ARFIP1: variants seen among roughly 807,000 people sequenced by gnomAD.
ARFIP1 encodes arfaptin-1.
ARFIP1 carries 24 observed loss-of-function variants against 42.5 expected under a neutral mutation model. The observed-to-expected ratio is 0.57, with a 90% CI of 0.41 to 0.80. The LOEUF (loss-of-function observed/expected upper bound fraction) is 0.80, where lower values mean the gene tolerates loss of function less well. ARFIP1 is among the 30% of genes least tolerant of loss of function. ARFIP1 has a pLI of 0.00. For missense variants in ARFIP1, 354 were observed against 434.0 expected (o/e 0.82, Z 1.64); for synonymous variants, 141 against 153.7 (o/e 0.92, Z 0.61).
At chr4:152,824,576 C>T (rs935924939) in intron 1 of ARFIP1, among the ~76,000 whole-genome samples, 1 of 152,150 alleles carries the variant, frequency 6.6e-6, no homozygotes, top group Non-Finnish European at 1.5e-5. Flanking sequence ...ACTCAACAGC[C>T]AGCATCATGC....
At chr4:152,860,491 T>TCCAAAAAGCATACTAAAATGCA (rs1561148821) in intron 2 of ARFIP1, among the ~76,000 whole-genome samples, 1 of 152,106 alleles carries the variant, frequency 6.6e-6, no homozygotes, top group Non-Finnish European at 1.5e-5. Flanking sequence ...TATCTCTCAG[T>TCCAAAAAGCATACTAAAATGCA]CCAAAAAGCA....
intron 2 of ARFIP1, among the ~76,000 whole-genome samples, chr4:152,843,085 C>G (rs948181429): frequency 6.6e-6 from 1 of 152,126 alleles, no homozygotes; most frequent in Non-Finnish European, 1.5e-5. Context: ...GGCTGTCGTT[C>G]AGATTTTTTT....
intron 1 of ARFIP1, among the ~76,000 whole-genome samples, chr4:152,794,890 G>T (rs574597431): frequency 6.6e-6 from 1 of 152,068 alleles, no homozygotes; most frequent in East Asian, 1.9e-4. Context: ...GCTGTTATGG[G>T]CTCCTTCAGG....
chr4:152,799,980 T>C lies in ARFIP1; in HGVS notation c.-10+19754T>C, dbSNP rs542299195. On this transcript the variant is annotated intron_variant, in intron 1 of 8. Transcript: ENST00000353617. ...TGCCAAGCAATTGATTGTTCATACTTGTCTGGAAATTAACATTGAAATCCA... is the reference window on the plus strand; with the variant it reads ...TGCCAAGCAATTGATTGTTCATACTCGTCTGGAAATTAACATTGAAATCCA... Among the ~76,000 whole-genome samples the C allele has an allele frequency of 1.1e-4, 17 of 152,310 alleles. No homozygotes were observed. In the East Asian group the frequency reaches 3.3e-3, roughly 29 times the overall value.
At chr4:152,815,251 C>T (rs556563534) in intron 1 of ARFIP1, among the ~76,000 whole-genome samples, 29 of 152,248 alleles carry the variant, frequency 1.9e-4, no homozygotes, top group African/African-American at 7.0e-4. Flanking sequence ...CATTTGCATA[C>T]TGTCAGTGGC....
intron 1 of ARFIP1, among the ~76,000 whole-genome samples, chr4:152,815,608 C>T (rs1014679735): frequency 1.3e-5 from 2 of 152,166 alleles, no homozygotes; most frequent in South Asian, 2.1e-4. Flanking sequence ...ATGGCAATTC[C>T]ATCTTTCCAG....
At chr4:152,847,430 G>T (rs1732648589) in intron 2 of ARFIP1, among the ~76,000 whole-genome samples, 1 of 151,978 alleles carries the variant, frequency 6.6e-6, no homozygotes, top group Non-Finnish European at 1.5e-5. Context: ...ACTGCACCCG[G>T]TGTCTTCTTT....
At chr4:152,890,317 A>AGG (rs1736737560) in intron 8 of ARFIP1, among the ~76,000 whole-genome samples, 1 of 152,102 alleles carries the variant, frequency 6.6e-6, no homozygotes, top group Admixed American at 6.6e-5. Context: ...GAGGGAGGGA[A>AGG]GGAGACACTT....
intron 8 of ARFIP1, among the ~76,000 whole-genome samples, chr4:152,909,786 T>A (rs1465420871): frequency 6.6e-6 from 1 of 152,216 alleles, no homozygotes; most frequent in Non-Finnish European, 1.5e-5. Context: ...ATGATATTTT[T>A]AATTAATCCT....
In ARFIP1 at chr4:152,889,837, T is replaced by C. The variant is rs1324355072; in HGVS notation, c.966+1530T>C. 3.8e-5 allele frequency among the ~76,000 whole-genome samples: 4 copies of C among 106,244 alleles called. No homozygotes were observed. The South Asian group carries it at 1.3e-3, about 33-fold the overall frequency. 69.7% of individuals were successfully genotyped at this position (106,244 alleles called of 152,430 possible). A position where few individuals can be genotyped will look rare whatever the true frequency, so the allele number is the denominator to read the frequency against. On this transcript the variant is annotated intron_variant, in intron 8 of 8. Coordinates refer to ENST00000353617, the MANE Select transcript of ARFIP1 (RefSeq NM_001025595.3). ...TATATATACTATATATACTATATAC[T>C]ATATATATACTATATATACTATATA...
intron 8 of ARFIP1, among the ~76,000 whole-genome samples, chr4:152,900,428 C>T (rs1737731075): frequency 6.6e-6 from 1 of 152,076 alleles, no homozygotes; most frequent in African/African-American, 2.4e-5. Flanking sequence ...TTTTAACCTT[C>T]TGCTTGTCAG....
intron 4 of ARFIP1, among the ~76,000 whole-genome samples, chr4:152,872,196 G>T (rs879077516): frequency 1.3e-5 from 2 of 152,074 alleles, no homozygotes; most frequent in South Asian, 4.1e-4. Flanking sequence ...TGCAGCAAGA[G>T]TTTTTTTGTT....
rs1290889226 is a variant in ARFIP1, at chr4:152,885,145, A to G, written c.791+2265A>G. ...GTTAACACTAAAACCTTGCCTACTG[A>G]TGGATAATAGTCAAAAAGAATCCAA... On this transcript the variant is annotated intron_variant, in intron 7 of 8. Transcript: ENST00000353617. 1.3e-5 allele frequency among the ~76,000 whole-genome samples: 2 copies of G among 152,010 alleles called. 1 individual carries two copies. Among genetic ancestry groups the G allele is most frequent in the Admixed American group, 1.3e-4 (2 of 15,226 alleles).
chr4:152,801,211 C>G (rs6535874), intron 1 of ARFIP1, among the ~76,000 whole-genome samples: 146,577 of 152,268 alleles, frequency 0.96, 70,603 homozygotes, highest in Non-Finnish European at 0.98. Context: ...CTAGAGTGAT[C>G]AAGAGTGCTA....
rs552527039 is a variant in ARFIP1, at chr4:152,843,705, C to T, written c.93+13979C>T. Among the ~76,000 whole-genome samples, 24 of 152,214 alleles carry T rather than the reference C, an allele frequency of 1.6e-4. No individual in the cohort carries two copies. In the South Asian group the frequency reaches 3.1e-3, roughly 20 times the overall value. On this transcript the variant is annotated intron_variant, in intron 2 of 8. Transcript: ENST00000353617. ...GGTTGTCAGGGAAGTGGGGGAAAGC[C>T]GGCAGTCACAGGCCTCACGCAGCTC...
At chr4:152,904,630 T>C (rs1474605274) in intron 8 of ARFIP1, among the ~76,000 whole-genome samples, 1 of 152,168 alleles carries the variant, frequency 6.6e-6, no homozygotes, top group South Asian at 2.1e-4. Context: ...CTCCCACTTA[T>C]AAGTAGAACA....
At chr4:152,871,602 G>GATTTTTGCTGGGGGCTGATCAC (rs1734886691) in intron 4 of ARFIP1, among the ~76,000 whole-genome samples, 1 of 150,722 alleles carries the variant, frequency 6.6e-6, no homozygotes. Context: ...AATTTTTGGG[G>GATTTTTGCTGGGGGCTGATCAC]ATTTTTACTG....
intron 2 of ARFIP1, among the ~76,000 whole-genome samples, chr4:152,859,833 A>T (rs138526448): frequency 6.7e-6 from 1 of 149,638 alleles, no homozygotes; most frequent in African/African-American, 2.5e-5. Context: ...TGTAAATTCT[A>T]TCTAGTTGCC....
chr4:152,785,432 C>T (rs1730742158), intron 1 of ARFIP1, among the ~76,000 whole-genome samples: 1 of 152,056 alleles, frequency 6.6e-6, no homozygotes, highest in Admixed American at 6.5e-5. Flanking sequence ...TGGAAAGAGC[C>T]CCTGGGTTTA....
Sources: allele counts gnomAD v4.1 joint callset (sites outside exome capture counted in the v4.1 genomes callset), GRCh38; gene constraint gnomAD v4.1.1; transcripts MANE v1.5; gene names NCBI Gene and HGNC (gene_info 2026-07-23, HGNC 2026-07-21).